Variants in ZNF83 observed in about 807,000 individuals in gnomAD.
ZNF83 encodes zinc finger protein 816B.
For synonymous variants in ZNF83, 209 were observed against 213.0 expected (o/e 0.98, Z 0.17); for missense variants, 552 against 629.9 (o/e 0.88, Z 1.32).
intron 1 of ZNF83, among the ~76,000 whole-genome samples, chr19:52,680,115 G>A (rs1202365486): frequency 1.3e-5 from 2 of 152,156 alleles, no homozygotes; most frequent in East Asian, 1.9e-4. Context: ...GGAGACAGAG[G>A]TTGTGGTAAG....
At chr19:52,653,626 G>A (rs1368757289) in intron 3 of ZNF83, among the ~76,000 whole-genome samples, 1 of 152,132 alleles carries the variant, frequency 6.6e-6, no homozygotes, top group Non-Finnish European at 1.5e-5. Flanking sequence ...CTGACTGAAG[G>A]TCTTACCACA....
At chr19:52,652,531 A>G in intron 3 of ZNF83, 1 of 454,636 alleles carries the variant, frequency 2.2e-6, no homozygotes. Flanking sequence ...AGCTTGACTG[A>G]AGACCTTGCT....
At chr19:52,638,686 C>A (rs1263786286), upstream of ZNF83, among the ~76,000 whole-genome samples, 1 of 152,250 alleles carries the variant, frequency 6.6e-6, no homozygotes, top group African/African-American at 2.4e-5. Flanking sequence ...GCCCACAGAA[C>A]CGAATAGAAA....
intron 1 of ZNF83, among the ~76,000 whole-genome samples, chr19:52,663,703 G>A (rs2061608697): frequency 6.6e-6 from 1 of 152,152 alleles, no homozygotes; most frequent in Admixed American, 6.5e-5. Context: ...AATGCAGGCA[G>A]TGCTCAATCT....
chr19:52,624,161 C>T (rs974178013), intron 2 of ZNF83, among the ~76,000 whole-genome samples: 5 of 152,152 alleles, frequency 3.3e-5, no homozygotes, highest in Non-Finnish European at 5.9e-5. Flanking sequence ...TCTTTTCACT[C>T]CTCTGCTTCC....
intron 2 of ZNF83, among the ~76,000 whole-genome samples, chr19:52,630,189 C>T (rs1321002453): frequency 6.6e-6 from 1 of 152,180 alleles, no homozygotes; most frequent in African/African-American, 2.4e-5. Context: ...CCCTGGAACG[C>T]TGGCCCATGG....
intron 2 of ZNF83, chr19:52,618,684 A>T: frequency 1.6e-6 from 1 of 639,792 alleles, no homozygotes; most frequent in Non-Finnish European, 2.4e-6. Flanking sequence ...GGCATGAGTC[A>T]CCACGCCTTG....
Position 52,645,031 on chromosome 19 carries a change from A to AG in ZNF83, c.-73-9879dup, listed in dbSNP as rs398035022. ...ATCTTAAAAAAAAAAAAAAAAAAAA[A>AG]GGGGGTGCTTTTGGCACAGCGTTCC... On this transcript the variant is annotated intron_variant, in intron 3 of 5. Coordinates refer to the ZNF83 transcript ENST00000594682. Among the ~76,000 whole-genome samples the AG allele has an allele frequency of 4.0e-4, 58 of 145,538 alleles. No individual in the cohort carries two copies. The Middle Eastern group carries it at 0.014, about 35-fold the overall frequency.
chr19:52,666,217 C>G (rs1417836004), intron 1 of ZNF83, among the ~76,000 whole-genome samples: 1 of 146,766 alleles, frequency 6.8e-6, no homozygotes, highest in Non-Finnish European at 1.5e-5. Flanking sequence ...GAGAAAGAGA[C>G]AGAGAGACAA....
chr19:52,665,327 G>A (rs180823687), intron 1 of ZNF83, among the ~76,000 whole-genome samples: 6 of 151,974 alleles, frequency 3.9e-5, no homozygotes, highest in Admixed American at 2.6e-4. Context: ...GGGGTAGGAG[G>A]ATAGCTGAGC....
At chr19:52,626,211 C>G (rs1290122254) in intron 2 of ZNF83, among the ~76,000 whole-genome samples, 1 of 152,234 alleles carries the variant, frequency 6.6e-6, no homozygotes, top group African/African-American at 2.4e-5. Context: ...ATTTCAACTT[C>G]TGTCACGACC....
intron 2 of ZNF83, among the ~76,000 whole-genome samples, chr19:52,624,254 A>G (rs938880842): frequency 6.6e-6 from 1 of 152,160 alleles, no homozygotes; most frequent in African/African-American, 2.4e-5. Context: ...CTACTCCTTC[A>G]ACATTTATTC....
chr19:52,675,167 C>CTAA (rs982341951), intron 1 of ZNF83, among the ~76,000 whole-genome samples: 4 of 152,200 alleles, frequency 2.6e-5, no homozygotes, highest in Non-Finnish European at 2.9e-5. Context: ...TTGAAGCCAT[C>CTAA]TAATAGCATT....
chr19:52,633,114 C>CT (rs2061027041), intron 2 of ZNF83, among the ~76,000 whole-genome samples: 1 of 152,178 alleles, frequency 6.6e-6, no homozygotes, highest in Non-Finnish European at 1.5e-5. Flanking sequence ...TCCAGATGGC[C>CT]TGTTCCTGCC....
intron 3 of ZNF83, chr19:52,651,641 C>T (rs2061441532): frequency 6.9e-6 from 1 of 144,276 alleles, no homozygotes; most frequent in Non-Finnish European, 1.5e-5. Flanking sequence ...CAAGATTGTG[C>T]CATTGCACGC....
At chr19:52,632,656 A>G (rs1004382023) in intron 2 of ZNF83, among the ~76,000 whole-genome samples, 2 of 52,884 alleles carry the variant, frequency 3.8e-5, no homozygotes, top group Admixed American at 4.7e-4. Context: ...AATAATCTTT[A>G]CTGGCAAGGC....
At position 52,631,437 on chromosome 19, in the gene ZNF83, C is replaced by T. The variant is rs549007681; in HGVS notation, c.-234+3629G>A. Among the ~76,000 whole-genome samples the T allele has an allele frequency of 4.6e-5, 7 of 152,274 alleles. No homozygotes were observed. The South Asian group carries it at 1.4e-3, about 32-fold the overall frequency. The stretch of plus-strand genomic sequence containing the variant: ...TCTGCGTGCAGCAGCTGCTGCCGCC[C>T]TAATACTTTTAGAGGCCCTCAAAAT... On this transcript the variant is annotated intron_variant, in intron 2 of 2. Transcript: ENST00000301096.
upstream of ZNF83, among the ~76,000 whole-genome samples, chr19:52,641,402 A>C (rs1037868506): frequency 6.6e-6 from 1 of 152,216 alleles, no homozygotes; most frequent in Non-Finnish European, 1.5e-5. Flanking sequence ...TTGCAGCTTT[A>C]AATTGGCTAA....
chr19:52,683,273 TGTGTGTG>T (rs2061956185), intron 1 of ZNF83, among the ~76,000 whole-genome samples: 1 of 93,290 alleles, frequency 1.1e-5, no homozygotes, highest in Non-Finnish European at 2.5e-5. Flanking sequence ...TGTGTGTGTG[TGTGTGTG>T]TATGCTCACG....
Sources: allele counts gnomAD v4.1 joint callset (sites outside exome capture counted in the v4.1 genomes callset), GRCh38; gene constraint gnomAD v4.1.1; transcripts MANE v1.5; gene names NCBI Gene and HGNC (gene_info 2026-07-23, HGNC 2026-07-21).